The following MMP26 variants were observed in gnomAD, a reference collection of about 807,000 sequenced individuals.
MMP26 encodes the protein matrix metalloproteinase-26.
MMP26 carries 33 observed loss-of-function variants against 31.0 expected under a neutral mutation model. The observed-to-expected ratio is 1.06, with a 90% CI of 0.81 to 1.42. MMP26 has a LOEUF of 1.42. Among genes scored for constraint, MMP26 ranks in the 40% most tolerant of loss-of-function variants. The pLI is 0.00. For missense variants in MMP26, 347 were observed against 316.1 expected (o/e 1.10, Z -0.74); for synonymous variants, 122 against 114.9 (o/e 1.06, Z -0.40).
chr11:4,798,133 C>T (rs2133449221), intron 2 of MMP26, among the ~76,000 whole-genome samples: 1 of 152,314 alleles, frequency 6.6e-6, no homozygotes, highest in Middle Eastern at 3.4e-3. Context: ...ACGGCCCATA[C>T]TTAAGATAGA....
At chr11:4,907,205 C>T (rs915611244) in intron 2 of MMP26, 9 of 528,694 alleles carry the variant, frequency 1.7e-5, no homozygotes, top group Middle Eastern at 9.9e-4. Flanking sequence ...TTAAGGACTT[C>T]TGGTAAATTT....
At chr11:4,846,149 C>T (rs1370738618) in intron 2 of MMP26, among the ~76,000 whole-genome samples, 1 of 152,252 alleles carries the variant, frequency 6.6e-6, no homozygotes, top group East Asian at 1.9e-4. Flanking sequence ...TTGGAAGCAA[C>T]CTAAGCATTC....
At chr11:4,984,610 C>T (rs530764819) in intron 2 of MMP26, among the ~76,000 whole-genome samples, 17 of 152,180 alleles carry the variant, frequency 1.1e-4, no homozygotes, top group Admixed American at 9.2e-4. Flanking sequence ...TGCAACTTGA[C>T]GTCGCTGTCA....
At chr11:4,988,814 A>G (rs1355763898) in intron 3 of MMP26, among the ~76,000 whole-genome samples, 4 of 152,238 alleles carry the variant, frequency 2.6e-5, no homozygotes, top group Non-Finnish European at 5.9e-5. Flanking sequence ...GCAGTCATGT[A>G]TTTTGTAATT....
chr11:4,839,605 G>T (rs1323722275), intron 2 of MMP26, among the ~76,000 whole-genome samples: 1 of 151,802 alleles, frequency 6.6e-6, no homozygotes, highest in Non-Finnish European at 1.5e-5. Context: ...GGAACCTGCT[G>T]CCTTGAAGGG....
chr11:4,869,217 G>A (rs1156941634), intron 2 of MMP26, among the ~76,000 whole-genome samples: 1 of 152,064 alleles, frequency 6.6e-6, no homozygotes, highest in Non-Finnish European at 1.5e-5. Context: ...ATGGACAAAT[G>A]GGATCTAATT....
At chr11:4,989,535 G>T in intron 3 of MMP26, 113 bp from the exon 4 acceptor site, 1 of 762,178 alleles carries the variant, frequency 1.3e-6, no homozygotes, top group African/African-American at 1.7e-5. Flanking sequence ...ACTTAGGAAG[G>T]CCAGACTAAG....
Position 4,722,912 on chromosome 11 carries a change from G to A in MMP26, c.-217+17867G>A, listed in dbSNP as rs899717457. 6.4e-6 allele frequency: 5 copies of A among 786,336 alleles called. No homozygotes were observed. In the African/African-American group the frequency reaches 6.7e-5, roughly 11 times the overall value. The allele number at this position is 786,336 out of a possible 1,614,324, so 48.7% of individuals were successfully genotyped here. ...AGGGCTTGTGAGGCCCCCATAGGCC[G>A]AGCTTAGACCACCTGCATAGACACT... On this transcript the variant is annotated intron_variant, in intron 1 of 7. Coordinates refer to ENST00000380390, the MANE Select transcript of MMP26 (RefSeq NM_021801.5).
At chr11:4,708,148 G>T (rs1011245292) in intron 1 of MMP26, among the ~76,000 whole-genome samples, 23 of 152,086 alleles carry the variant, frequency 1.5e-4, no homozygotes, top group African/African-American at 5.1e-4. Context: ...CCCGATTCTC[G>T]TATGTAAAGT....
chr11:4,990,232 T>C (rs1846977036), intron 4 of MMP26, among the ~76,000 whole-genome samples: 1 of 152,258 alleles, frequency 6.6e-6, no homozygotes, highest in South Asian at 2.1e-4. Flanking sequence ...CAAGCAGTAC[T>C]AAATTATGTA....
chr11:4,839,658 A>C (rs1849767954), intron 2 of MMP26, among the ~76,000 whole-genome samples: 1 of 151,714 alleles, frequency 6.6e-6, no homozygotes, highest in South Asian at 2.1e-4. Flanking sequence ...CTAACTGAAG[A>C]GCCCTTGGAC....
intron 2 of MMP26, chr11:4,848,871 T>G (rs561122104): frequency 6.2e-7 from 1 of 1,614,032 alleles, no homozygotes; most frequent in Non-Finnish European, 8.5e-7. Context: ...AGAAAAGACA[T>G]GGATAAAAAC....
At chr11:4,754,927 C>A (rs182213096) in intron 1 of MMP26, among the ~76,000 whole-genome samples, 1 of 151,972 alleles carries the variant, frequency 6.6e-6, no homozygotes, top group African/African-American at 2.4e-5. Context: ...CACAGAACCA[C>A]AACCTGTATA....
chr11:4,826,230 G>A (rs559397707), intron 2 of MMP26, among the ~76,000 whole-genome samples: 2 of 152,210 alleles, frequency 1.3e-5, no homozygotes, highest in African/African-American at 4.8e-5. Context: ...TGATTATTGG[G>A]CGTTGCTGTA....
At chr11:4,907,095 T>TAAAAAAAAAAAAAAAAAAAAAAAAAAA (rs3065178) in intron 2 of MMP26, among the ~76,000 whole-genome samples, 3 of 55,122 alleles carry the variant, frequency 5.4e-5, no homozygotes, top group African/African-American at 2.0e-4. Context: ...AAACTCCCTC[T>TAAAAAAAAAAAAAAAAAAAAAAAAAAA]AAAAAAAAAA....
chr11:4,713,873 C>G (rs1847892667), intron 1 of MMP26, among the ~76,000 whole-genome samples: 1 of 151,910 alleles, frequency 6.6e-6, no homozygotes, highest in Non-Finnish European at 1.5e-5. Context: ...GATCAAAGAC[C>G]TGTAACAGCA....
chr11:4,764,790 G>A (rs546194383), intron 1 of MMP26, among the ~76,000 whole-genome samples: 8 of 152,198 alleles, frequency 5.3e-5, no homozygotes, highest in South Asian at 2.1e-4. Flanking sequence ...GGAGAATGGC[G>A]TGAACCCGGG....
chr11:4,823,207 C>A (rs1459605184), intron 2 of MMP26, among the ~76,000 whole-genome samples: 1 of 151,556 alleles, frequency 6.6e-6, no homozygotes, highest in Admixed American at 6.6e-5. Flanking sequence ...AGTGAATACT[C>A]TGTAGTGAAT....
chr11:4,727,172 A>G (rs1848111926), intron 1 of MMP26, among the ~76,000 whole-genome samples: 1 of 152,130 alleles, frequency 6.6e-6, no homozygotes. Flanking sequence ...GTGAGGGTTA[A>G]AAAACAAATA....
Sources: gnomAD v4.1 joint callset for allele counts (sites outside exome capture counted in the v4.1 genomes callset) on GRCh38, gnomAD v4.1.1 for gene constraint, MANE v1.5 for transcripts, NCBI Gene and HGNC (gene_info 2026-07-23, HGNC 2026-07-21) for gene names.